Variants in ZSCAN18 observed in about 807,000 individuals in gnomAD.
The protein encoded by ZSCAN18 is zinc finger and SCAN domain containing 18, also known as zinc finger and SCAN domain-containing protein 18.
A neutral mutation model predicts 31.1 loss-of-function variants in ZSCAN18; 16 were observed. The ratio of observed to expected loss-of-function variants is 0.51; its 90% CI spans 0.35 to 0.78. The LOEUF (loss-of-function observed/expected upper bound fraction) is 0.78. Among genes scored for constraint, ZSCAN18 ranks in the 30% least tolerant of loss-of-function variants. The pLI is 0.01. For missense variants in ZSCAN18, 731 were observed against 697.4 expected (o/e 1.05, Z -0.54); for synonymous variants, 375 against 320.7 (o/e 1.17, Z -1.81).
chr19:58,090,198 C>G lies in ZSCAN18; in HGVS notation c.70G>C (p.Gly24Arg). 1 of 1,613,666 alleles carries G rather than the reference C, an allele frequency of 6.2e-7. No individual in the cohort carries two copies. Among genetic ancestry groups the G allele is most frequent in the South Asian group, 1.1e-5 (1 of 91,082 alleles). The change falls in exon 2 of 7, where the codon GGG (glycine) becomes CGG (arginine). Residue 24 changes from glycine (G) to arginine (R), a missense_variant. By Grantham distance (125) the Gly-to-Arg change is moderately radical. Transcript: ENST00000601144. This position sits in a 1 kb window ranked among gnomAD's most constrained non-coding sequence, Gnocchi z 4.7. ...SPAPPDLPTPGSAAGVQQEEP... is the reference protein window; with the variant it reads ...SPAPPDLPTPRSAAGVQQEEP... ...TCCTGCTGGACTCCGGCTGCTGACC[C>G]CGGCGTGGGCAGATCCGGCGGGGCT...
At chr19:58,096,292 G>C (rs946139255) in intron 1 of ZSCAN18, among the ~76,000 whole-genome samples, 4 of 152,186 alleles carry the variant, frequency 2.6e-5, no homozygotes, top group Admixed American at 1.3e-4. Flanking sequence ...GCCACACCTC[G>C]TTGGAGTCTG....
intron 1 of ZSCAN18, among the ~76,000 whole-genome samples, chr19:58,115,821 A>C (rs2074724728): frequency 6.6e-6 from 1 of 152,198 alleles, no homozygotes; most frequent in Admixed American, 6.5e-5. Flanking sequence ...GCAAGTCATC[A>C]TGTACATGTT....
At chr19:58,089,725 G>A (rs943387379) in intron 2 of ZSCAN18, 140 bp downstream of exon 2, 5 of 1,014,212 alleles carry the variant, frequency 4.9e-6, no homozygotes, top group African/African-American at 3.3e-5. Flanking sequence ...CCAGGCATCT[G>A]TCCTGGCCCG....
chr19:58,113,122 T>C (rs2074700609), intron 1 of ZSCAN18, among the ~76,000 whole-genome samples: 1 of 151,252 alleles, frequency 6.6e-6, no homozygotes. Flanking sequence ...GAGACCATCC[T>C]GGCTAACACG....
intron 5 of ZSCAN18, 177 bp downstream of exon 5, chr19:58,086,729 T>C: frequency 3.4e-6 from 2 of 585,660 alleles, no homozygotes; most frequent in East Asian, 5.8e-5. Context: ...CTCAGATGTT[T>C]AGATCAGAAA....
intron 1 of ZSCAN18, among the ~76,000 whole-genome samples, chr19:58,111,167 C>CA (rs11435898): frequency 0.74 from 109,129 of 148,290 alleles, 41,094 homozygotes; most frequent in Non-Finnish European, 0.84. Context: ...GACTCCGTCT[C>CA]AAAAAAAAAA....
chr19:58,094,875 C>T (rs892223171), intron 1 of ZSCAN18, among the ~76,000 whole-genome samples: 49 of 64,284 alleles, frequency 7.6e-4, no homozygotes, highest in African/African-American at 3.9e-4. Flanking sequence ...GAGACCCTGT[C>T]GCAAAAAAAA....
chr19:58,118,032 G>A (rs1363144709), intron 1 of ZSCAN18, among the ~76,000 whole-genome samples: 3 of 152,132 alleles, frequency 2.0e-5, no homozygotes, highest in Non-Finnish European at 4.4e-5. Context: ...GCGTTAGGGG[G>A]TCCGCGCCCG....
chr19:58,113,792 A>T (rs1360895011), intron 1 of ZSCAN18, among the ~76,000 whole-genome samples: 1 of 152,136 alleles, frequency 6.6e-6, no homozygotes, highest in Admixed American at 6.6e-5. Context: ...CAGCCTAGGG[A>T]ACATGGTGAA....
intron 1 of ZSCAN18, among the ~76,000 whole-genome samples, chr19:58,111,029 G>A (rs2074678825): frequency 6.6e-6 from 1 of 152,146 alleles, no homozygotes; most frequent in African/African-American, 2.4e-5. Context: ...TGAGCCAGGC[G>A]TGGTGGCGGG....
Position 58,086,939 on chromosome 19 carries a change from TCTC to T in ZSCAN18, c.709_711del (p.Glu237del). 1.2e-6 allele frequency: 2 copies of T among 1,613,774 alleles called. No individual in the cohort carries two copies. Among genetic ancestry groups the T allele is most frequent in the Non-Finnish European group, 1.7e-6 (2 of 1,179,932 alleles). On this transcript the variant is annotated inframe_deletion, in exon 5 of 7. Coordinates refer to ENST00000601144, the MANE Select transcript of ZSCAN18 (RefSeq NM_001145543.2). ...AGCAGCTTCCGGTAGCTCTTCAGGT[TCTC>T]CTCGGCAGGGTCCAGGTGGCCCCAC...
rs1204532702 is a variant in ZSCAN18, at chr19:58,090,135, G to A, written c.133C>T (p.Leu45=). The A allele has an allele frequency of 1.1e-5, 17 of 1,613,682 alleles. No individual in the cohort carries two copies. Among genetic ancestry groups the A allele is most frequent in the Non-Finnish European group, 1.4e-5 (16 of 1,179,920 alleles). Reference sequence around the variant, plus strand: ...CGGAAACGCAGGCGGGAGAACTCCAGGTCAGCAGGGGTCCTCTCAGGGATG... The same window carrying A: ...CGGAAACGCAGGCGGGAGAACTCCAAGTCAGCAGGGGTCCTCTCAGGGATG... ...ETIPERTPAD[L]EFSRLRFREF... is the part of the protein sequence containing the mutation. Residue 45 remains leucine (L), a synonymous_variant, in exon 2 of 7, where the codon CTG becomes TTG. Transcript: ENST00000601144. This position sits in a 1 kb window ranked among gnomAD's most constrained non-coding sequence, Gnocchi z 4.7.
intron 1 of ZSCAN18, among the ~76,000 whole-genome samples, chr19:58,110,379 A>G (rs2074671991): frequency 6.6e-6 from 1 of 151,910 alleles, no homozygotes; most frequent in East Asian, 1.9e-4. Flanking sequence ...AGACATGCAT[A>G]CTAGACTGTC....
At position 58,085,326 on chromosome 19, in the gene ZSCAN18, C is replaced by T. The variant is rs991314414; in HGVS notation, c.892G>A (p.Ala298Thr). 8.8e-6 allele frequency: 14 copies of T among 1,595,140 alleles called. No homozygotes were observed. In the South Asian group the frequency reaches 9.9e-5, roughly 11 times the overall value. Reference protein sequence around the residue: ...AGCACEEAAPAGVLPELPTEA... With the variant: ...AGCACEEAAPTGVLPELPTEA... Reference sequence around the variant, plus strand: ...GTAGGCAGCTCAGGCAGCACCCCCGCGGGGGCGGCCTCCTCGCAGGCGCAC... The same window carrying T: ...GTAGGCAGCTCAGGCAGCACCCCCGTGGGGGCGGCCTCCTCGCAGGCGCAC... Residue 298 changes from alanine to threonine, a missense_variant, in exon 7 of 7, where the codon GCG becomes ACG. Ala to Thr is a moderately conservative substitution (Grantham distance 58). Transcript: ENST00000601144.
upstream of ZSCAN18, among the ~76,000 whole-genome samples, chr19:58,102,129 G>A (rs114572012): frequency 0.013 from 1,951 of 152,074 alleles, 33 homozygotes; most frequent in African/African-American, 0.045. Context: ...CCATAAGGAC[G>A]GTGACTTTTC....
At position 58,088,730 on chromosome 19, in the gene ZSCAN18, G is replaced by C; in HGVS notation, c.511C>G (p.Gln171Glu). 1 of 1,607,860 alleles carries C rather than the reference G, an allele frequency of 6.2e-7. No individual in the cohort carries two copies. The highest frequency in any genetic ancestry group is 1.1e-5 in the South Asian group (1 of 91,050). The change falls in exon 3 of 7, where the codon CAG (glutamine) becomes GAG (glutamate). Residue 171 changes from glutamine to glutamate, a missense_variant. Physicochemically the swap from Gln to Glu is conservative, Grantham distance 29 (BLOSUM62 2). This residue lies in a region of ZSCAN18 where 597 missense variants were observed against 499.5 expected (regional missense o/e 1.20). Transcript: ENST00000601144. Reference sequence around the variant, plus strand: ...GGGATCTCCCCAGCTCCAAGGGCCTGGCTGGGGCTCGCGAGCTCGCCTGGT... The same window carrying C: ...GGGATCTCCCCAGCTCCAAGGGCCTCGCTGGGGCTCGCGAGCTCGCCTGGT... ...LLPGELASPSQALGAGEIPAP... is the reference protein window; with the variant it reads ...LLPGELASPSEALGAGEIPAP...
At chr19:58,100,742 G>GC (rs1426218460), upstream of ZSCAN18, among the ~76,000 whole-genome samples, 3 of 128,514 alleles carry the variant, frequency 2.3e-5, no homozygotes, top group Non-Finnish European at 5.3e-5. Context: ...AATTAGCCAG[G>GC]CATGGTGGCA....
rs1342301990 is a variant in ZSCAN18 at position 58,084,839 on chromosome 19, T to C, written c.1379A>G (p.Gln460Arg). 1 of 1,598,990 alleles carries C rather than the reference T, an allele frequency of 6.3e-7. No homozygotes were observed. The highest frequency in any genetic ancestry group is 8.5e-7 in the Non-Finnish European group (1 of 1,175,022). ...FHFSLALAEH[Q>R]KTHEKEKSYA... ...GCTTTTCTCCTTCTCGTGGGTCTTC[T>C]GGTGCTCGGCTAGGGCCAGGCTGAA... The change falls in exon 7 of 7, where the codon CAG becomes CGG. Residue 460 changes from glutamine (Q) to arginine (R), a missense_variant. Gln to Arg is a conservative substitution (Grantham distance 43). Around this residue, in one of 4 missense-constraint regions of ZSCAN18, gnomAD observed 597 missense variants for 499.5 expected, o/e 1.20. Coordinates refer to ENST00000601144, the MANE Select transcript of ZSCAN18 (RefSeq NM_001145543.2). This position sits in a 1 kb window ranked among gnomAD's most constrained non-coding sequence, Gnocchi z 4.5.
At chr19:58,087,099 C>G (rs2074296667) in intron 4 of ZSCAN18, 91 bp from the exon 5 acceptor site, 1 of 1,160,290 alleles carries the variant, frequency 8.6e-7, no homozygotes, top group Admixed American at 2.2e-5. Context: ...AGGCTAGGAG[C>G]CAGCCCTGGC....
Sources: gnomAD v4.1 joint callset for allele counts (sites outside exome capture counted in the v4.1 genomes callset) on GRCh38, gnomAD v4.1.1 for gene constraint, gnomAD v4.1.1 regional missense constraint, Gnocchi (gnomAD v3.1) non-coding constraint, MANE v1.5 for transcripts, NCBI Gene and HGNC (gene_info 2026-07-23, HGNC 2026-07-21) for gene names.